Variants in HADH observed in about 807,000 individuals in gnomAD.
HADH encodes the protein hydroxyacyl-coenzyme A dehydrogenase, mitochondrial.
In HADH, 24 loss-of-function variants were observed where a neutral mutation model predicts 32.2. That is an observed-to-expected ratio of 0.75 (90% CI 0.54 to 1.05). The LOEUF (loss-of-function observed/expected upper bound fraction) is 1.05, where lower values mean the gene tolerates loss of function less well. HADH is among the 50% of genes least tolerant of loss of function. The pLI is 0.00. For synonymous variants in HADH, 139 were observed against 152.5 expected (o/e 0.91, Z 0.65); for missense variants, 350 against 397.1 (o/e 0.88, Z 1.01).
chr4:107,999,395 A>G (rs1735048783), intron 1 of HADH, among the ~76,000 whole-genome samples: 1 of 152,220 alleles, frequency 6.6e-6, no homozygotes, highest in Admixed American at 6.5e-5. Flanking sequence ...AAAGCAGTTA[A>G]TCTGCTCACC....
intron 4 of HADH, among the ~76,000 whole-genome samples, chr4:108,020,020 C>T (rs1008150346): frequency 6.6e-6 from 1 of 152,154 alleles, no homozygotes; most frequent in Non-Finnish European, 1.5e-5. Context: ...ATTATCTCGT[C>T]GAGGTCAGCT....
chr4:108,004,388 G>A (rs1228966534), intron 1 of HADH: 3 of 321,942 alleles, frequency 9.3e-6, no homozygotes, highest in Non-Finnish European at 1.8e-5. Context: ...AAGTGTTTTT[G>A]TCTGTAACCT....
At chr4:108,028,745 A>G (rs1327999061) in intron 6 of HADH, 3 of 395,824 alleles carry the variant, frequency 7.6e-6, no homozygotes, top group African/African-American at 6.2e-5. Context: ...AGGCAGTTGT[A>G]TGTCTTTTTT....
intron 1 of HADH, among the ~76,000 whole-genome samples, chr4:107,999,366 T>C (rs992232852): frequency 2.0e-5 from 3 of 152,206 alleles, no homozygotes; most frequent in African/African-American, 4.8e-5. Context: ...TTACCTAGCG[T>C]CACAACCACC....
At chr4:108,004,750 G>A in intron 1 of HADH, 1 of 1,535,090 alleles carries the variant, frequency 6.5e-7, no homozygotes, top group Non-Finnish European at 8.7e-7. Context: ...AGATTTTTAA[G>A]GTCAAAAGAA....
At chr4:108,025,107 A>G (rs975531495) in intron 5 of HADH, 2 of 152,238 alleles carry the variant, frequency 1.3e-5, no homozygotes, top group African/African-American at 2.4e-5. Flanking sequence ...AGTCAGTTCT[A>G]TTGTTGTAGC....
chr4:108,009,977 C>CTTTTTTTTTTTTTTTTT (rs11388783), intron 2 of HADH, 90 bp downstream of exon 2: 8 of 552,150 alleles, frequency 1.4e-5, no homozygotes, highest in South Asian at 4.4e-5. Context: ...TTCTTTCTTT[C>CTTTTTTTTTTTTTTTTT]TTTTTTTTTT....
At chr4:107,993,961 G>T (rs546551965) in intron 1 of HADH, among the ~76,000 whole-genome samples, 13 of 152,274 alleles carry the variant, frequency 8.5e-5, no homozygotes, top group African/African-American at 2.6e-4. Flanking sequence ...GTAGCTGTGT[G>T]CATTTCTCCA....
chr4:108,006,536 C>G (rs1289720768), intron 1 of HADH, among the ~76,000 whole-genome samples: 1 of 152,176 alleles, frequency 6.6e-6, no homozygotes, highest in Non-Finnish European at 1.5e-5. Context: ...AGCAGTGGTT[C>G]TGAAACCTTG....
chr4:108,033,402 A>C, intron 7 of HADH, 110 bp downstream of exon 7: 2 of 741,740 alleles, frequency 2.7e-6, no homozygotes, highest in South Asian at 2.8e-5. Flanking sequence ...GACCTTCCAA[A>C]ATCCTGCCTC....
At chr4:108,027,945 C>T (rs138235270) in intron 6 of HADH, 185 bp downstream of exon 6, 131 of 637,244 alleles carry the variant, frequency 2.1e-4, no homozygotes, top group African/African-American at 1.9e-3. Flanking sequence ...CCAGGGCCTC[C>T]TGGCTTCCCT....
Position 108,034,421 on chromosome 4 carries a change from C to A in HADH, c.*64C>A. ...CGCTTTCCAGCCAGTGCCCCGAGTG[C>A]CTGTGGGAATGCTCTTTGGTCAGAC... On this transcript the variant is annotated 3_prime_UTR_variant, in exon 8 of 8. Transcript: ENST00000309522. 1.1e-6 allele frequency: 1 copy of A among 901,334 alleles called. No homozygotes were observed. The highest frequency in any genetic ancestry group is 1.9e-6 in the Non-Finnish European group (1 of 529,534). The allele number at this position is 901,334 out of a possible 1,614,324, so 55.8% of individuals were successfully genotyped here. A position where few individuals can be genotyped will look rare whatever the true frequency, so the allele number is the denominator to read the frequency against.
At chr4:108,019,715 C>T (rs1735820631) in intron 4 of HADH, 49 bp downstream of exon 4, 1 of 1,610,706 alleles carries the variant, frequency 6.2e-7, no homozygotes, top group Non-Finnish European at 8.5e-7. Context: ...CCAGCTCTCT[C>T]AGTCCTGCTT....
At chr4:108,012,014 C>T (rs1255413769) in intron 2 of HADH, among the ~76,000 whole-genome samples, 2 of 152,046 alleles carry the variant, frequency 1.3e-5, no homozygotes, top group African/African-American at 4.8e-5. Flanking sequence ...ACCTCAGCCT[C>T]CCGAGTAGCT....
chr4:108,022,643 A>G (rs1735931628), intron 4 of HADH, among the ~76,000 whole-genome samples: 1 of 152,136 alleles, frequency 6.6e-6, no homozygotes, highest in Admixed American at 6.5e-5. Flanking sequence ...CCTCCTCTAT[A>G]ATAGAAGATC....
chr4:108,033,706 T>C lies in HADH; in HGVS notation c.826+414T>C, dbSNP rs114736721. On this transcript the variant is annotated intron_variant, in intron 7 of 7. Transcript: ENST00000309522. ...AGATACACATCCATTTTAAAAAATATATCCATTGTAATGTAAAAGCTCTGA... is the reference window on the plus strand; with the variant it reads ...AGATACACATCCATTTTAAAAAATACATCCATTGTAATGTAAAAGCTCTGA... Among the ~76,000 whole-genome samples the C allele has an allele frequency of 4.1e-3, 629 of 152,336 alleles. 7 individuals carry two copies. Among genetic ancestry groups the C allele is most frequent in the African/African-American group, 0.014 (598 of 41,578 alleles).
Position 108,011,111 on chromosome 4 carries a change from T to C in HADH, c.261+1224T>C, listed in dbSNP as rs542471638. Among the ~76,000 whole-genome samples the C allele has an allele frequency of 3.9e-5, 6 of 152,272 alleles. No individual in the cohort carries two copies. In the East Asian group the frequency reaches 1.2e-3, roughly 29 times the overall value. On this transcript the variant is annotated intron_variant, in intron 2 of 7. Coordinates refer to ENST00000309522, the MANE Select transcript of HADH (RefSeq NM_005327.7). ...ATCCACCCACCTCGGTCTCCCAAAG[T>C]GCTGGGATTACAGGTGTGAGCCACC...
chr4:108,025,784 G>T (rs1736046848), intron 5 of HADH: 1 of 152,308 alleles, frequency 6.6e-6, no homozygotes, highest in Non-Finnish European at 1.5e-5. Flanking sequence ...GGAGGCTGAG[G>T]TGGGAGGGTC....
intron 7 of HADH, among the ~76,000 whole-genome samples, chr4:108,033,579 C>A (rs1360933802): frequency 1.3e-5 from 2 of 152,154 alleles, no homozygotes; most frequent in African/African-American, 4.8e-5. Flanking sequence ...CCAGTTTCCA[C>A]CAGTGGTTAT....
Sources: allele counts gnomAD v4.1 joint callset (sites outside exome capture counted in the v4.1 genomes callset), GRCh38; gene constraint gnomAD v4.1.1; transcripts MANE v1.5; gene names NCBI Gene and HGNC (gene_info 2026-07-23, HGNC 2026-07-21).